MACROD2: variants seen among roughly 807,000 people sequenced by gnomAD.
MACROD2 encodes ADP-ribose glycohydrolase MACROD2.
Under a neutral mutation model 70.4 loss-of-function variants are expected in MACROD2, and 36 were observed. The observed-to-expected ratio is 0.51, with a 90% CI of 0.39 to 0.68. The LOEUF (loss-of-function observed/expected upper bound fraction) is 0.68, where lower values mean the gene tolerates loss of function less well. Among genes scored for constraint, MACROD2 ranks in the 30% least tolerant of loss-of-function variants. The pLI, the probability that MACROD2 is intolerant of heterozygous loss-of-function variation, is 0.00. For missense variants in MACROD2, 496 were observed against 538.4 expected (o/e 0.92, Z 0.78); for synonymous variants, 172 against 178.8 (o/e 0.96, Z 0.30).
chr20:15,164,908 A>C (rs988967500), intron 5 of MACROD2, among the ~76,000 whole-genome samples: 4 of 152,128 alleles, frequency 2.6e-5, no homozygotes, highest in Non-Finnish European at 5.9e-5. Flanking sequence ...CTAAAAAAAT[A>C]AATAAGCCGT....
intron 8 of MACROD2, among the ~76,000 whole-genome samples, chr20:15,729,464 G>A (rs1244834445): frequency 6.6e-6 from 1 of 152,116 alleles, no homozygotes; most frequent in East Asian, 1.9e-4. Flanking sequence ...TCAGTGATCT[G>A]TCTAATAATG....
Position 15,967,977 on chromosome 20 carries a change from G to A in MACROD2, c.985+347G>A, listed in dbSNP as rs1317951511. Among the ~76,000 whole-genome samples the A allele has an allele frequency of 2.0e-5, 3 of 151,910 alleles. No individual in the cohort carries two copies. The East Asian group carries it at 5.8e-4, about 29-fold the overall frequency. ...GAAAAACATGGAGAATAAATGCAGG[G>A]GATTAAATCCACATAGTCTTGGGAT... On this transcript the variant is annotated intron_variant, in intron 13 of 17. Transcript: ENST00000684519.
intron 4 of MACROD2, among the ~76,000 whole-genome samples, chr20:14,615,047 A>G (rs6042820): frequency 0.49 from 74,284 of 151,912 alleles, 20,110 homozygotes; most frequent in African/African-American, 0.73. Context: ...AAATAATTGG[A>G]CAGGGAAAGA....
Position 15,163,096 on chromosome 20 carries a change from G to A in MACROD2, c.419-66844G>A, listed in dbSNP as rs16995389. ...TAATCTGTAAAGTCTAGTAAACACTGAAACTATAACATGAATTTTAAGTTT... is the reference window on the plus strand; with the variant it reads ...TAATCTGTAAAGTCTAGTAAACACTAAAACTATAACATGAATTTTAAGTTT... On this transcript the variant is annotated intron_variant, in intron 5 of 17. Transcript: ENST00000684519. Among the ~76,000 whole-genome samples, 55 of 152,018 alleles carry A rather than the reference G, an allele frequency of 3.6e-4. No homozygotes were observed. The East Asian group carries it at 8.5e-3, about 24-fold the overall frequency.
intron 4 of MACROD2, among the ~76,000 whole-genome samples, chr20:14,628,180 T>C (rs1317907607): frequency 6.6e-6 from 1 of 151,716 alleles, no homozygotes; most frequent in East Asian, 1.9e-4. Flanking sequence ...GACCAAGGAG[T>C]GTGGCAGATA....
intron 3 of MACROD2, among the ~76,000 whole-genome samples, chr20:14,296,999 C>A (rs1295803017): frequency 6.6e-6 from 1 of 151,782 alleles, no homozygotes; most frequent in African/African-American, 2.4e-5. Context: ...ATATTTCAAA[C>A]TTTTTCATTA....
At chr20:15,722,443 G>A (rs553377954) in intron 8 of MACROD2, among the ~76,000 whole-genome samples, 17 of 152,248 alleles carry the variant, frequency 1.1e-4, no homozygotes, top group African/African-American at 4.1e-4. Context: ...TTAGAAAATA[G>A]ATTAACTTGG....
intron 3 of MACROD2, among the ~76,000 whole-genome samples, chr20:14,263,111 C>T (rs1057385661): frequency 2.6e-5 from 4 of 151,978 alleles, no homozygotes; most frequent in Middle Eastern, 3.2e-3. Flanking sequence ...GGTGACTTTT[C>T]GTTAGGAATG....
intron 4 of MACROD2, among the ~76,000 whole-genome samples, chr20:14,531,840 G>C (rs2085308762): frequency 6.6e-6 from 1 of 152,120 alleles, no homozygotes; most frequent in South Asian, 2.1e-4. Context: ...GGAAGGTTGA[G>C]GAGCTTCCTC....
chr20:15,845,900 A>G (rs2064225559), intron 8 of MACROD2, among the ~76,000 whole-genome samples: 1 of 152,196 alleles, frequency 6.6e-6, no homozygotes, highest in Non-Finnish European at 1.5e-5. Context: ...CAAAACTGTG[A>G]CCAATGAAAT....
chr20:15,580,126 G>A (rs952554992), intron 8 of MACROD2, among the ~76,000 whole-genome samples: 5 of 152,154 alleles, frequency 3.3e-5, no homozygotes, highest in African/African-American at 7.2e-5. Flanking sequence ...CAATGTAAAT[G>A]GTTTGGAAGG....
intron 3 of MACROD2, among the ~76,000 whole-genome samples, chr20:14,396,577 C>T (rs1231828158): frequency 6.6e-6 from 1 of 151,940 alleles, no homozygotes; most frequent in Non-Finnish European, 1.5e-5. Context: ...TTTTTTGTGT[C>T]TTTACATTAA....
chr20:15,405,128 G>C (rs1017601962), intron 6 of MACROD2, among the ~76,000 whole-genome samples: 5 of 152,212 alleles, frequency 3.3e-5, no homozygotes, highest in Admixed American at 3.3e-4. Context: ...AGAGGATAAG[G>C]GCAGGGGGTA....
intron 5 of MACROD2, among the ~76,000 whole-genome samples, chr20:14,707,928 A>G (rs2123655276): frequency 6.6e-6 from 1 of 152,314 alleles, no homozygotes. Context: ...TTCCAGATAC[A>G]TAGAGGCAAT....
chr20:14,941,783 T>TC (rs934000586), intron 5 of MACROD2, among the ~76,000 whole-genome samples: 1 of 92,258 alleles, frequency 1.1e-5, no homozygotes, highest in African/African-American at 6.2e-5. Flanking sequence ...TCTCTCTCTC[T>TC]TTTTTTTTTC....
At chr20:15,256,185 G>A (rs1283533449) in intron 6 of MACROD2, among the ~76,000 whole-genome samples, 1 of 151,954 alleles carries the variant, frequency 6.6e-6, no homozygotes, top group Non-Finnish European at 1.5e-5. Context: ...TAATTCTTGT[G>A]TTTTATTTAT....
chr20:14,060,113 G>A (rs2053675450), intron 2 of MACROD2, among the ~76,000 whole-genome samples: 2 of 152,274 alleles, frequency 1.3e-5, no homozygotes, highest in Admixed American at 1.3e-4. Context: ...TATAGCAAAA[G>A]ATCTTTAACT....
At position 14,477,520 on chromosome 20, in the gene MACROD2, ACTTGCTTC is replaced by A. The variant is rs369843141; in HGVS notation, c.272-15948_272-15941del. Among the ~76,000 whole-genome samples the A allele has an allele frequency of 1.6e-3, 245 of 152,230 alleles. 1 individual carries two copies. Among genetic ancestry groups the A allele is most frequent in the African/African-American group, 5.7e-3 (238 of 41,528 alleles). ...TGTAAGAATAGTTCCGTGTCCAAGA[ACTTGCTTC>A]CTTGCTTCCTCCACACAAATTTGTA... On this transcript the variant is annotated intron_variant, in intron 3 of 17. Transcript: ENST00000684519.
chr20:14,602,542 T>C (rs1315969386), intron 4 of MACROD2, among the ~76,000 whole-genome samples: 1 of 152,186 alleles, frequency 6.6e-6, no homozygotes, highest in Non-Finnish European at 1.5e-5. Context: ...AAGTCAGTCA[T>C]GAAAGTTAGG....
Sources: allele counts gnomAD v4.1 joint callset (sites outside exome capture counted in the v4.1 genomes callset), GRCh38; gene constraint gnomAD v4.1.1; transcripts MANE v1.5; gene names NCBI Gene and HGNC (gene_info 2026-07-23, HGNC 2026-07-21).